The following RCAN2 variants were observed in gnomAD, a reference collection of about 807,000 sequenced individuals.
RCAN2 encodes calcipressin-2.
In RCAN2, 9 loss-of-function variants were observed where a neutral mutation model predicts 23.6. That is an observed-to-expected ratio of 0.38 (90% CI 0.23 to 0.67). The LOEUF (loss-of-function observed/expected upper bound fraction) is 0.67, where lower values mean the gene tolerates loss of function less well. RCAN2 is among the 30% of genes least tolerant of loss of function. The probability of loss-of-function intolerance (pLI) is 0.51; values close to 1 mark genes in which losing one functional copy is unlikely to be tolerated. For synonymous variants in RCAN2, 109 were observed against 115.7 expected (o/e 0.94, Z 0.37); for missense variants, 273 against 302.3 (o/e 0.90, Z 0.72).
intron 2 of RCAN2, among the ~76,000 whole-genome samples, chr6:46,432,795 T>G (rs1267867153): frequency 1.3e-5 from 2 of 152,074 alleles, no homozygotes; most frequent in Non-Finnish European, 2.9e-5. Context: ...AATTTAATAA[T>G]AAGAAGGTGG....
chr6:46,368,248 A>G (rs1429038156), intron 2 of RCAN2, among the ~76,000 whole-genome samples: 1 of 152,172 alleles, frequency 6.6e-6, no homozygotes, highest in African/African-American at 2.4e-5. Flanking sequence ...CAAAGTGCCT[A>G]TTGTGTTTCA....
chr6:46,462,654 GT>G (rs1768253534), intron 1 of RCAN2, among the ~76,000 whole-genome samples: 1 of 152,170 alleles, frequency 6.6e-6, no homozygotes, highest in South Asian at 2.1e-4. Context: ...AAATCTGGAT[GT>G]TAGAGACATT....
intron 2 of RCAN2, among the ~76,000 whole-genome samples, chr6:46,342,086 T>C (rs1038140743): frequency 6.6e-6 from 1 of 152,170 alleles, no homozygotes; most frequent in African/African-American, 2.4e-5. Flanking sequence ...CCTCTTTGAC[T>C]GAGATATGTC....
At chr6:46,422,916 A>G (rs181107908) in intron 2 of RCAN2, among the ~76,000 whole-genome samples, 1 of 152,332 alleles carries the variant, frequency 6.6e-6, no homozygotes, top group African/African-American at 2.4e-5. Context: ...TCTCAAGGGC[A>G]TTTTTCACAA....
intron 1 of RCAN2, among the ~76,000 whole-genome samples, chr6:46,477,091 G>A (rs1426725997): frequency 6.6e-6 from 1 of 152,102 alleles, no homozygotes; most frequent in Admixed American, 6.5e-5. Flanking sequence ...GGGGACAGAA[G>A]CTCCTGCATT....
chr6:46,321,960 A>G (rs1763632387), intron 2 of RCAN2, among the ~76,000 whole-genome samples: 1 of 152,196 alleles, frequency 6.6e-6, no homozygotes, highest in African/African-American at 2.4e-5. Flanking sequence ...GAAAGAGACA[A>G]GACACTGGCT....
chr6:46,248,481 A>G (rs1766598003), intron 3 of RCAN2, among the ~76,000 whole-genome samples: 1 of 150,200 alleles, frequency 6.7e-6, no homozygotes, highest in African/African-American at 2.5e-5. Flanking sequence ...TCCCCACTTT[A>G]CAGATGAGAA....
intron 2 of RCAN2, among the ~76,000 whole-genome samples, chr6:46,350,598 C>T (rs1430920334): frequency 1.3e-5 from 2 of 152,218 alleles, no homozygotes; most frequent in African/African-American, 2.4e-5. Context: ...TAAAACTGAT[C>T]TGCTTCTTTA....
intron 2 of RCAN2, among the ~76,000 whole-genome samples, chr6:46,348,586 G>A (rs1233450899): frequency 6.6e-6 from 1 of 152,164 alleles, no homozygotes; most frequent in African/African-American, 2.4e-5. Context: ...CAGGGTTCAG[G>A]CTCAGGCTCC....
At chr6:46,260,040 T>C (rs919416454) in intron 2 of RCAN2, among the ~76,000 whole-genome samples, 1 of 152,132 alleles carries the variant, frequency 6.6e-6, no homozygotes, top group Non-Finnish European at 1.5e-5. Flanking sequence ...TATGAAGGCG[T>C]CCTTACACAG....
chr6:46,491,152 C>G (rs1034895047), intron 1 of RCAN2, 21 bp downstream of exon 1: 56 of 151,622 alleles, frequency 3.7e-4, no homozygotes, highest in African/African-American at 1.3e-3. Context: ...CGAGCCTGGC[C>G]GGCGCGGTTA....
intron 1 of RCAN2, among the ~76,000 whole-genome samples, chr6:46,469,181 T>G (rs1006697758): frequency 6.6e-6 from 1 of 152,162 alleles, no homozygotes; most frequent in Non-Finnish European, 1.5e-5. Context: ...ACTGAGACAC[T>G]GACACAGGGC....
chr6:46,314,612 G>T (rs994161326), intron 2 of RCAN2, among the ~76,000 whole-genome samples: 1 of 152,024 alleles, frequency 6.6e-6, no homozygotes, highest in Non-Finnish European at 1.5e-5. Flanking sequence ...GAAGGTCAAT[G>T]TTGTAAATAT....
At chr6:46,261,148 A>G (rs768879535) in intron 2 of RCAN2, among the ~76,000 whole-genome samples, 1 of 152,200 alleles carries the variant, frequency 6.6e-6, no homozygotes, top group Non-Finnish European at 1.5e-5. Context: ...CTAATTGTGC[A>G]TGTGTAATTG....
In RCAN2 at chr6:46,229,829, G is replaced by A. The variant is rs375819499; in HGVS notation, c.572-6528C>T. On this transcript the variant is annotated intron_variant, in intron 4 of 4. Coordinates refer to ENST00000371374, the MANE Select transcript of RCAN2 (RefSeq NM_001251974.2). The stretch of plus-strand genomic sequence containing the variant: ...TGTTCCATTGCTGGTGAGGAGCTGC[G>A]TTCCTTTGGAGGAGAAGAGGTGCTC... 2.0e-4 allele frequency among the ~76,000 whole-genome samples: 31 copies of A among 152,278 alleles called. No homozygotes were observed. In the South Asian group the frequency reaches 2.9e-3, roughly 14 times the overall value.
intron 2 of RCAN2, among the ~76,000 whole-genome samples, chr6:46,400,880 C>G (rs747348370): frequency 6.6e-6 from 1 of 152,186 alleles, no homozygotes; most frequent in African/African-American, 2.4e-5. Flanking sequence ...TTTTAAAAGA[C>G]GCCCTTCACA....
intron 2 of RCAN2, among the ~76,000 whole-genome samples, chr6:46,343,408 C>T (rs1364649836): frequency 1.4e-5 from 2 of 144,338 alleles, no homozygotes; most frequent in Non-Finnish European, 3.0e-5. Flanking sequence ...CAGAGTCTCG[C>T]TCTGTCGCCC....
chr6:46,232,933 C>T (rs966431236), intron 4 of RCAN2, among the ~76,000 whole-genome samples: 2 of 152,072 alleles, frequency 1.3e-5, no homozygotes, highest in African/African-American at 4.8e-5. Flanking sequence ...TTACATGGAA[C>T]TCCCAGCAAG....
chr6:46,375,537 C>T (rs535448960), intron 2 of RCAN2, among the ~76,000 whole-genome samples: 47 of 152,260 alleles, frequency 3.1e-4, no homozygotes, highest in Admixed American at 2.2e-3. Context: ...GAATGTGGCC[C>T]TAGTTTATCT....
Sources: allele counts gnomAD v4.1 joint callset (sites outside exome capture counted in the v4.1 genomes callset), GRCh38; gene constraint gnomAD v4.1.1; transcripts MANE v1.5; gene names NCBI Gene and HGNC (gene_info 2026-07-23, HGNC 2026-07-21).